ACRV1: variants seen among roughly 807,000 people sequenced by gnomAD.
ACRV1 encodes acrosomal vesicle protein 1.
A neutral mutation model predicts 29.2 loss-of-function variants in ACRV1; 17 were observed. That is an observed-to-expected ratio of 0.58 (90% confidence interval 0.40 to 0.87). ACRV1 has a LOEUF of 0.87. Ranked by LOEUF, ACRV1 falls within the 40% of genes least tolerant of loss-of-function variation. The pLI is 0.00. For synonymous variants in ACRV1, 98 were observed against 111.6 expected, an observed-to-expected ratio of 0.88 and a Z score of 0.77; for missense variants, 294 against 316.0, an observed-to-expected ratio of 0.93 and a Z score of 0.53.
chr11:125,673,393 G>A (rs962618246), intron 3 of ACRV1, among the ~76,000 whole-genome samples: 1 of 151,736 alleles, frequency 6.6e-6, no homozygotes, highest in Non-Finnish European at 1.5e-5. Context: ...ATTAGAGACG[G>A]GGTTTCACCA....
chr11:125,676,894 A>G (rs1473708876), intron 2 of ACRV1, among the ~76,000 whole-genome samples: 1 of 152,156 alleles, frequency 6.6e-6, no homozygotes, highest in Non-Finnish European at 1.5e-5. Flanking sequence ...TTAATAAGCT[A>G]TGTTAGAATG....
At chr11:125,676,923 T>C (rs1203914445) in intron 2 of ACRV1, among the ~76,000 whole-genome samples, 1 of 150,596 alleles carries the variant, frequency 6.6e-6, no homozygotes, top group African/African-American at 2.5e-5. Context: ...TTGCAAACCC[T>C]GTGAAGAGTG....
rs766742834 is a variant in ACRV1, at chr11:125,672,579, A to G, written c.*14T>C. ...TTTTACTGCCTGAGTCAAAACAAGC[A>G]AGGGCCCAGGCTTCTAGATCTTATT... On this transcript the variant is annotated 3_prime_UTR_variant, in exon 4 of 4. Coordinates refer to ENST00000533904, the MANE Select transcript of ACRV1 (RefSeq NM_001612.6). 17 of 1,613,030 alleles carry G rather than the reference A, an allele frequency of 1.1e-5. No homozygotes were observed. In the African/African-American group the frequency reaches 2.1e-4, roughly 20 times the overall value.
At chr11:125,673,953 G>C (rs927580262) in intron 3 of ACRV1, among the ~76,000 whole-genome samples, 6 of 152,152 alleles carry the variant, frequency 3.9e-5, no homozygotes, top group Non-Finnish European at 8.8e-5. Flanking sequence ...GAGGCCAGGA[G>C]TTCAAGACCA....
At chr11:125,680,305 A>G (rs1321515500) in intron 1 of ACRV1, among the ~76,000 whole-genome samples, 2 of 152,172 alleles carry the variant, frequency 1.3e-5, no homozygotes, top group South Asian at 2.1e-4. Context: ...TCTCTGGCCT[A>G]TAGCTCTGTC....
At chr11:125,674,831 T>C (rs547182472) in intron 3 of ACRV1, among the ~76,000 whole-genome samples, 4 of 152,346 alleles carry the variant, frequency 2.6e-5, no homozygotes, top group African/African-American at 7.2e-5. Flanking sequence ...ATTCAAACTC[T>C]TTTTAACTGA....
intron 1 of ACRV1, among the ~76,000 whole-genome samples, chr11:125,678,676 C>T (rs537575734): frequency 6.6e-6 from 1 of 152,138 alleles, no homozygotes; most frequent in African/African-American, 2.4e-5. Context: ...CAGAAGTTCG[C>T]CACCAACCCT....
At chr11:125,680,410 G>A (rs974516334) in intron 1 of ACRV1, among the ~76,000 whole-genome samples, 2 of 152,140 alleles carry the variant, frequency 1.3e-5, no homozygotes, top group Non-Finnish European at 2.9e-5. Flanking sequence ...CATTTAATTG[G>A]TGGGACAAAC....
chr11:125,673,195 A>G (rs1359935211), intron 3 of ACRV1, among the ~76,000 whole-genome samples: 1 of 119,112 alleles, frequency 8.4e-6, no homozygotes, highest in African/African-American at 3.2e-5. Context: ...TGTGGACTAC[A>G]CCCTTTCTTT....
chr11:125,676,404 T>A lies in ACRV1; in HGVS notation c.628A>T (p.Ile210Phe). Reference protein sequence around the residue: ...GKCLRGEGTCITQNSQQCMLK... With the variant: ...GKCLRGEGTCFTQNSQQCMLK... ...ATGCACTGCTGGGAATTCTGAGTGA[T>A]GCAGGTTCCCTCTCCACGAAGACAT... The change falls in exon 3 of 4, where the codon ATC becomes TTC. Residue 210 changes from isoleucine to phenylalanine, a missense_variant. Physicochemically the swap from Ile to Phe is conservative, Grantham distance 21 (BLOSUM62 0). Transcript: ENST00000533904. 6.2e-7 allele frequency: 1 copy of A among 1,614,172 alleles called. No homozygotes were observed. The highest frequency in any genetic ancestry group is 8.5e-7 in the Non-Finnish European group (1 of 1,180,030).
chr11:125,672,460 G>T lies in ACRV1; in HGVS notation c.*133C>A. On this transcript the variant is annotated 3_prime_UTR_variant, in exon 4 of 4. Transcript: ENST00000533904. ...ATAGAAGAAGAAAGATAGGATGTTT[G>T]AGCATCCTAATGCTCAGGCAGAGGC... 2 of 1,002,904 alleles carry T rather than the reference G, an allele frequency of 2.0e-6. No individual in the cohort carries two copies. The highest frequency in any genetic ancestry group is 2.9e-6 in the Non-Finnish European group (2 of 680,626). 62.1% of individuals were successfully genotyped at this position (1,002,904 alleles called of 1,614,324 possible).
intron 2 of ACRV1, 107 bp from the exon 3 acceptor site, chr11:125,676,585 A>G (rs1368765201): frequency 2.3e-6 from 3 of 1,321,720 alleles, no homozygotes; most frequent in Non-Finnish European, 3.2e-6. Context: ...GATACTACAC[A>G]TTTATTTCTT....
rs189565539 is a variant in ACRV1 at position 125,677,409 on chromosome 11, T to C, written c.553+388A>G. Among the ~76,000 whole-genome samples, 64 of 152,344 alleles carry C rather than the reference T, an allele frequency of 4.2e-4. No homozygotes were observed. In the South Asian group the frequency reaches 0.01, roughly 25 times the overall value. On this transcript the variant is annotated intron_variant, in intron 2 of 3. Transcript: ENST00000533904. ...TCTCTTTACAGAATTTGTAAAGTTA[T>C]AGCATTCTAACATGGTTTAAGAGGC... is the stretch of plus-strand genomic sequence containing the variant.
intron 3 of ACRV1, among the ~76,000 whole-genome samples, chr11:125,675,240 C>T (rs1056102189): frequency 6.6e-6 from 1 of 152,304 alleles, no homozygotes; most frequent in East Asian, 1.9e-4. Flanking sequence ...TTTCTGAATA[C>T]CACCTTCTCC....
intron 3 of ACRV1, chr11:125,675,917 A>AT (rs577600886): frequency 1.4e-3 from 218 of 155,322 alleles, no homozygotes; most frequent in Non-Finnish European, 2.3e-3. Flanking sequence ...TTCTTTCTTT[A>AT]TTTTTTTTAG....
chr11:125,673,896 T>C (rs1193131482), intron 3 of ACRV1, among the ~76,000 whole-genome samples: 2 of 152,172 alleles, frequency 1.3e-5, no homozygotes, highest in African/African-American at 4.8e-5. Context: ...CAGTGGCTCA[T>C]GCCTGTAATC....
At position 125,680,807 on chromosome 11, in the gene ACRV1, A is replaced by G. The variant is rs201868791; in HGVS notation, c.-27T>C. 7.1e-5 allele frequency: 113 copies of G among 1,597,604 alleles called. No individual in the cohort carries two copies. The highest frequency in any genetic ancestry group is 1.7e-4 in the Middle Eastern group (1 of 6,018). Reference sequence around the variant, plus strand: ...TGGATTTAGGAAAAGAGGGGACCCCAGTGTGGGCCACAGCTTCTTCACAGA... The same window carrying G: ...TGGATTTAGGAAAAGAGGGGACCCCGGTGTGGGCCACAGCTTCTTCACAGA... On this transcript the variant is annotated 5_prime_UTR_variant, in exon 1 of 4. Transcript: ENST00000533904.
At chr11:125,674,783 A>G (rs944541689) in intron 3 of ACRV1, among the ~76,000 whole-genome samples, 1 of 152,094 alleles carries the variant, frequency 6.6e-6, no homozygotes, top group African/African-American at 2.4e-5. Context: ...AATGCATATC[A>G]TACTGTCTGG....
At position 125,671,561 on chromosome 11, in the gene ACRV1, C is replaced by T. The variant is rs369334990; in HGVS notation, c.*1032G>A. On this transcript the variant is annotated 3_prime_UTR_variant, in exon 4 of 4. Transcript: ENST00000533904. Reference sequence around the variant, plus strand: ...ATGTTGAAATTTTAAATTTTATATACAGTAAAATTGACTTCTTGTTGTACT... The same window carrying T: ...ATGTTGAAATTTTAAATTTTATATATAGTAAAATTGACTTCTTGTTGTACT... 18 of 152,226 alleles carry T rather than the reference C, an allele frequency of 1.2e-4. No homozygotes were observed. Among genetic ancestry groups the T allele is most frequent in the African/African-American group, 4.1e-4 (17 of 41,544 alleles). 9.4% of individuals were successfully genotyped at this position (152,226 alleles called of 1,614,324 possible).
Sources: gnomAD v4.1 joint callset for allele counts (sites outside exome capture counted in the v4.1 genomes callset) on GRCh38, gnomAD v4.1.1 for gene constraint, MANE v1.5 for transcripts, NCBI Gene and HGNC (gene_info 2026-07-23, HGNC 2026-07-21) for gene names.